Variants in MTPN observed in about 807,000 individuals in gnomAD.
MTPN encodes the protein myotrophin.
In MTPN, 2 loss-of-function variants were observed where a neutral mutation model predicts 13.5. The observed-to-expected ratio is 0.15, with a 90% CI of 0.06 to 0.47. The LOEUF (loss-of-function observed/expected upper bound fraction) is 0.47, where lower values mean the gene tolerates loss of function less well. Among genes scored for constraint, MTPN ranks in the 20% least tolerant of loss-of-function variants. The pLI, the probability that MTPN is intolerant of heterozygous loss-of-function variation, is 0.97. For synonymous variants in MTPN, 46 were observed against 51.7 expected, an observed-to-expected ratio of 0.89 and a Z score of 0.48; for missense variants, 79 against 137.9, an observed-to-expected ratio of 0.57 and a Z score of 2.14.
At chr7:135,955,683 T>C (rs1343402368) in intron 1 of MTPN, among the ~76,000 whole-genome samples, 1 of 152,180 alleles carries the variant, frequency 6.6e-6, no homozygotes, top group Non-Finnish European at 1.5e-5. Flanking sequence ...CACAAAATTT[T>C]AGCAAACGTA....
intron 1 of MTPN, among the ~76,000 whole-genome samples, chr7:135,961,763 T>A (rs146815978): frequency 3.1e-3 from 476 of 151,982 alleles, no homozygotes; most frequent in Middle Eastern, 6.8e-3. Flanking sequence ...AAGCAAAATA[T>A]GAAAATGTGA....
At chr7:135,972,207 ACACGCGCACACGCGCACG>A (rs1426048831) in intron 1 of MTPN, among the ~76,000 whole-genome samples, 2 of 118,714 alleles carry the variant, frequency 1.7e-5, no homozygotes, top group Non-Finnish European at 1.7e-5. Context: ...TTATAAATAC[ACACGCGCACACGCGCACG>A]CGCGCGCACA....
rs1306362224 is a variant in MTPN, at chr7:135,929,251, C to G, written c.*675G>C. ...AAAACTTAAGATTTTATAAATAAAA[C>G]TAGTCAGTTTTATCTAAAGAGACAT... is the stretch of plus-strand genomic sequence containing the variant. On this transcript the variant is annotated 3_prime_UTR_variant, in exon 4 of 4. Coordinates refer to ENST00000393085, the MANE Select transcript of MTPN (RefSeq NM_145808.4). 3 of 166,870 alleles carry G rather than the reference C, an allele frequency of 1.8e-5. No homozygotes were observed. The highest frequency in any genetic ancestry group is 1.5e-5 in the Non-Finnish European group (1 of 68,092). The allele number at this position is 166,870 out of a possible 1,614,324, so 10.3% of individuals were successfully genotyped here.
chr7:135,965,040 T>C (rs975666239), intron 1 of MTPN, among the ~76,000 whole-genome samples: 6 of 152,104 alleles, frequency 3.9e-5, no homozygotes, highest in Non-Finnish European at 8.8e-5. Context: ...TGAATAGTTA[T>C]GATAGAGACT....
intron 3 of MTPN, among the ~76,000 whole-genome samples, chr7:135,944,505 C>T (rs1195845706): frequency 7.2e-5 from 11 of 151,912 alleles, no homozygotes; most frequent in Non-Finnish European, 1.2e-4. Flanking sequence ...GCAAAACCCC[C>T]GTCTCTACTA....
chr7:135,970,813 T>C (rs1214543432), intron 1 of MTPN, among the ~76,000 whole-genome samples: 1 of 152,192 alleles, frequency 6.6e-6, no homozygotes, highest in South Asian at 2.1e-4. Context: ...TCTATACTAA[T>C]GTTTCTCTGT....
At chr7:135,965,657 G>T (rs1427203894) in intron 1 of MTPN, among the ~76,000 whole-genome samples, 2 of 152,066 alleles carry the variant, frequency 1.3e-5, no homozygotes, top group Admixed American at 6.6e-5. Context: ...TAAAATGATA[G>T]TCATGAGAGG....
At chr7:135,961,495 A>G (rs1292885069) in intron 1 of MTPN, among the ~76,000 whole-genome samples, 1 of 151,892 alleles carries the variant, frequency 6.6e-6, no homozygotes, top group African/African-American at 2.4e-5. Context: ...TATAGCAATG[A>G]TATTTGGAGA....
intron 2 of MTPN, among the ~76,000 whole-genome samples, chr7:135,950,951 T>C (rs1476207712): frequency 2.6e-5 from 4 of 152,090 alleles, no homozygotes; most frequent in South Asian, 4.1e-4. Context: ...CTTACTATGG[T>C]ACTATTATTT....
chr7:135,977,246 C>G lies in MTPN; in HGVS notation c.-146G>C. ...AAGGAGGGTTAGGCTGCCAGGCGGG[C>G]GAGGCAGTTGGCCGCGGCGACCGTT... On this transcript the variant is annotated 5_prime_UTR_variant, in exon 1 of 4. Transcript: ENST00000393085. 1 of 797,640 alleles carries G rather than the reference C, an allele frequency of 1.3e-6. No individual in the cohort carries two copies. The highest frequency in any genetic ancestry group is 2.7e-4 in the Middle Eastern group (1 of 3,732). The allele number at this position is 797,640 out of a possible 1,614,324, so 49.4% of individuals were successfully genotyped here.
chr7:135,938,461 T>C lies in MTPN; in HGVS notation c.271-8449A>G, dbSNP rs570405097. On this transcript the variant is annotated intron_variant, in intron 3 of 3. Transcript: ENST00000393085. Reference sequence around the variant, plus strand: ...GGATTAAAGTCAATTCAAGGAATATTTGCAATGTTTCTAGTTTAACATTTT... The same window carrying C: ...GGATTAAAGTCAATTCAAGGAATATCTGCAATGTTTCTAGTTTAACATTTT... 4.6e-5 allele frequency among the ~76,000 whole-genome samples: 7 copies of C among 152,346 alleles called. No individual in the cohort carries two copies. The South Asian group carries it at 1.2e-3, about 27-fold the overall frequency.
intron 1 of MTPN, among the ~76,000 whole-genome samples, chr7:135,972,204 TACACACGCGCACACGCGC>T (rs1049514074): frequency 1.2e-4 from 16 of 129,184 alleles, no homozygotes; most frequent in African/African-American, 4.2e-4. Context: ...TGGTTATAAA[TACACACGCGCACACGCGC>T]ACGCGCGCGC....
intron 1 of MTPN, among the ~76,000 whole-genome samples, chr7:135,973,488 G>A (rs1052745104): frequency 2.6e-5 from 4 of 151,866 alleles, no homozygotes; most frequent in African/African-American, 9.7e-5. Flanking sequence ...CAGTTTTTGA[G>A]AGGAAAACAG....
At position 135,929,854 on chromosome 7, in the gene MTPN, T is replaced by C. The variant is rs1798989080; in HGVS notation, c.*72A>G. ...GCTGAAGAAGCTGGCAGATAGAGAG[T>C]GACAGACAGACAGGCAGCAGTGTGA... On this transcript the variant is annotated 3_prime_UTR_variant, in exon 4 of 4. Coordinates refer to ENST00000393085, the MANE Select transcript of MTPN (RefSeq NM_145808.4). 5 of 1,412,490 alleles carry C rather than the reference T, an allele frequency of 3.5e-6. No homozygotes were observed. Among genetic ancestry groups the C allele is most frequent in the Admixed American group, 3.4e-5 (2 of 59,622 alleles). 87.5% of individuals were successfully genotyped at this position (1,412,490 alleles called of 1,614,324 possible).
At chr7:135,940,849 A>G (rs1177254539) in intron 3 of MTPN, among the ~76,000 whole-genome samples, 1 of 152,236 alleles carries the variant, frequency 6.6e-6, no homozygotes, top group Non-Finnish European at 1.5e-5. Context: ...CTGACACCAC[A>G]GCATCTTTTC....
chr7:135,948,434 C>T (rs562799918), intron 3 of MTPN, among the ~76,000 whole-genome samples: 84 of 152,062 alleles, frequency 5.5e-4, no homozygotes, highest in Non-Finnish European at 9.7e-4. Context: ...GGTTCAGACA[C>T]AAAAGAACAA....
chr7:135,964,146 G>A (rs1430327425), intron 1 of MTPN, among the ~76,000 whole-genome samples: 1 of 151,964 alleles, frequency 6.6e-6, no homozygotes, highest in Non-Finnish European at 1.5e-5. Flanking sequence ...CTCCACAGTT[G>A]GAGGGGAGGG....
At chr7:135,937,930 G>C (rs752875911) in intron 3 of MTPN, among the ~76,000 whole-genome samples, 10 of 152,174 alleles carry the variant, frequency 6.6e-5, no homozygotes, top group Admixed American at 6.5e-5. Flanking sequence ...TAACAATGAA[G>C]TATATAACTC....
intron 1 of MTPN, chr7:135,960,733 T>C (rs916430667): frequency 2.6e-5 from 4 of 151,934 alleles, no homozygotes; most frequent in Non-Finnish European, 4.4e-5. Flanking sequence ...TATACTAAAA[T>C]TGGAATGATA....
Sources: gnomAD v4.1 joint callset for allele counts (sites outside exome capture counted in the v4.1 genomes callset) on GRCh38, gnomAD v4.1.1 for gene constraint, MANE v1.5 for transcripts, NCBI Gene and HGNC (gene_info 2026-07-23, HGNC 2026-07-21) for gene names.